Variants in NUDT18 observed in about 807,000 individuals in gnomAD.
NUDT18 encodes the protein nudix hydrolase 18, also known as 8-oxo-dGDP phosphatase NUDT18.
NUDT18 carries 26 observed loss-of-function variants against 27.6 expected under a neutral mutation model. The observed-to-expected ratio is 0.94, with a 90% CI of 0.69 to 1.31. The LOEUF (loss-of-function observed/expected upper bound fraction) is 1.31. NUDT18 is among the 50% of genes most tolerant of loss of function. The pLI, the probability that NUDT18 is intolerant of heterozygous loss-of-function variation, is 0.00. For synonymous variants in NUDT18, 220 were observed against 196.9 expected (o/e 1.12, Z -0.98); for missense variants, 450 against 433.4 (o/e 1.04, Z -0.34).
chr8:22,110,344 C>T (rs10101855), upstream of NUDT18, among the ~76,000 whole-genome samples: 741 of 152,370 alleles, frequency 4.9e-3, 4 homozygotes, highest in African/African-American at 0.017. Context: ...TCCTTCACCC[C>T]ACCTCAGCAC....
chr8:22,107,487 C>T lies in NUDT18; in HGVS notation c.785G>A (p.Arg262Gln), dbSNP rs982446678. 2.9e-5 allele frequency: 46 copies of T among 1,613,080 alleles called. No individual in the cohort carries two copies. The highest frequency in any genetic ancestry group is 3.5e-5 in the Non-Finnish European group (41 of 1,179,872). The change falls in exon 3 of 3, where the codon CGA becomes CAA. Residue 262 changes from arginine (R) to glutamine (Q), a missense_variant. Physicochemically the swap from Arg to Gln is conservative, Grantham distance 43. Transcript: ENST00000611621. ...KGLLGLQHLG[R>Q]DHSDGICLNV... ...CAAACAGATGCCATCACTGTGATCT[C>T]GGCCCAGGTGCTGCAGTCCAAGCAA...
In NUDT18 at chr8:22,109,394, G is replaced by A. The variant is rs1033301011; in HGVS notation, c.-94C>T. 128 of 1,212,140 alleles carry A rather than the reference G, an allele frequency of 1.1e-4. No individual in the cohort carries two copies. In the East Asian group the frequency reaches 2.4e-3, roughly 23 times the overall value. The allele number at this position is 1,212,140 out of a possible 1,614,324, so 75.1% of individuals were successfully genotyped here. A position where few individuals can be genotyped will look rare whatever the true frequency, so the allele number is the denominator to read the frequency against. The stretch of plus-strand genomic sequence containing the variant: ...GCTGCGGAGCCCGCTCCCAGTCCCT[G>A]CGGCAGCGGGCCGGGAGCTCACGAG... On this transcript the variant is annotated 5_prime_UTR_variant, in exon 1 of 3. Transcript: ENST00000611621.
chr8:22,108,050 G>A (rs1826397880), intron 2 of NUDT18, 83 bp downstream of exon 2: 3 of 1,392,620 alleles, frequency 2.2e-6, no homozygotes, highest in Non-Finnish European at 1.9e-6. Context: ...AACAGGACTG[G>A]CTGTAGAGGG....
intron 1 of NUDT18, among the ~76,000 whole-genome samples, chr8:22,108,670 T>C (rs1049501081): frequency 6.6e-6 from 1 of 152,234 alleles, no homozygotes; most frequent in Admixed American, 6.5e-5. Context: ...TACCTGCCAC[T>C]GTGTATCTCT....
upstream of NUDT18, chr8:22,109,666 A>G (rs775895377): frequency 2.1e-6 from 1 of 466,876 alleles, no homozygotes; most frequent in South Asian, 1.6e-5. Flanking sequence ...CAACTCCCCG[A>G]GCGCGCACTG....
At position 22,107,859 on chromosome 8, in the gene NUDT18, T is replaced by C; in HGVS notation, c.413A>G (p.Glu138Gly). ...ILKTSKEADA[E>G]SLQAAWYPRT... ...TGGGTACCAGGCAGCCTGCAGGGAC[T>C]CCGCATCGGCCTCCTTGGAAGTCTT... The change falls in exon 3 of 3, where the codon GAG becomes GGG. Residue 138 changes from glutamate (E) to glycine (G), a missense_variant. Physicochemically the swap from Glu to Gly is moderately conservative, Grantham distance 98 (BLOSUM62 -2). Transcript: ENST00000611621. The C allele has an allele frequency of 6.3e-7, 1 of 1,599,890 alleles. No individual in the cohort carries two copies. The highest frequency in any genetic ancestry group is 1.7e-4 in the Middle Eastern group (1 of 5,994).
chr8:22,108,089 G>A (rs1211985844), intron 2 of NUDT18, 44 bp downstream of exon 2: 5 of 1,446,372 alleles, frequency 3.5e-6, no homozygotes, highest in East Asian at 2.5e-5. Context: ...CTGGGGGAAA[G>A]GTGTCAACTG....
At chr8:22,109,087 T>C in intron 1 of NUDT18, 52 bp downstream of exon 1, 2 of 1,333,486 alleles carry the variant, frequency 1.5e-6, no homozygotes, top group Non-Finnish European at 1.9e-6. Context: ...TGTCCCCACC[T>C]GGGCTGGCTG....
At position 22,108,144 on chromosome 8, in the gene NUDT18, G is replaced by A; in HGVS notation, c.365C>T (p.Ala122Val). Residue 122 changes from alanine (A) to valine (V), a missense_variant, in exon 2 of 3, where the codon GCT (alanine) becomes GTT (valine). Transcript: ENST00000611621. ...GPSWVRFVFL[A>V]RPTGGILKTS... ...CAGGTGGGCCATACCTGTGGGGCGA[G>A]CGAGGAACACGAAGCGGACCCAGGA... 1 of 1,529,392 alleles carries A rather than the reference G, an allele frequency of 6.5e-7. No homozygotes were observed. Among genetic ancestry groups the A allele is most frequent in the South Asian group, 1.3e-5 (1 of 78,400 alleles). The allele number at this position is 1,529,392 out of a possible 1,614,324, so 94.7% of individuals were successfully genotyped here. A position where few individuals can be genotyped will look rare whatever the true frequency, so the allele number is the denominator to read the frequency against.
Position 22,109,334 on chromosome 8 carries a change from G to C in NUDT18, c.-34C>G. 7.8e-7 allele frequency: 1 copy of C among 1,277,532 alleles called. No individual in the cohort carries two copies. Among genetic ancestry groups the C allele is most frequent in the South Asian group, 2.0e-5 (1 of 50,126 alleles). The allele number at this position is 1,277,532 out of a possible 1,614,324, so 79.1% of individuals were successfully genotyped here. A position where few individuals can be genotyped will look rare whatever the true frequency, so the allele number is the denominator to read the frequency against. On this transcript the variant is annotated 5_prime_UTR_variant, in exon 1 of 3. Transcript: ENST00000611621. ...CCGGGGGGCGGCGGGCCGGATCCTCGCAGACCGACTGAGCCGAGCCGCGGG... is the reference window on the plus strand; with the variant it reads ...CCGGGGGGCGGCGGGCCGGATCCTCCCAGACCGACTGAGCCGAGCCGCGGG...
intron 1 of NUDT18, among the ~76,000 whole-genome samples, 186 bp downstream of exon 1, chr8:22,108,953 C>G (rs1048620800): frequency 6.6e-6 from 1 of 152,242 alleles, no homozygotes; most frequent in Non-Finnish European, 1.5e-5. Context: ...GGCCCCGGGC[C>G]TCAGTTTCCT....
At position 22,108,326 on chromosome 8, in the gene NUDT18, C is replaced by G. The variant is rs779805808; in HGVS notation, c.183G>C (p.Gln61His). 3.2e-6 allele frequency: 5 copies of G among 1,581,550 alleles called. No individual in the cohort carries two copies. The Admixed American group carries it at 7.3e-5, about 23-fold the overall frequency. The change falls in exon 2 of 3, where the codon CAG (glutamine) becomes CAC (histidine). Residue 61 changes from glutamine to histidine, a missense_variant. Gln to His is a conservative substitution (Grantham distance 24). Transcript: ENST00000611621. ...ACCCCCGGCACTCCCTCTTGGCCTC[C>G]TGGATCAGTAGCACCTCATCCTGAG... ...LSEQDEVLLI[Q>H]EAKRECRGSW... is the part of the protein sequence containing the mutation.
In NUDT18 at chr8:22,109,239, A is replaced by G; in HGVS notation, c.62T>C (p.Val21Ala). 1 of 1,426,604 alleles carries G rather than the reference A, an allele frequency of 7.0e-7. No individual in the cohort carries two copies. Among genetic ancestry groups the G allele is most frequent in the Non-Finnish European group, 9.1e-7 (1 of 1,098,836 alleles). The allele number at this position is 1,426,604 out of a possible 1,614,324, so 88.4% of individuals were successfully genotyped here. A position where few individuals can be genotyped will look rare whatever the true frequency, so the allele number is the denominator to read the frequency against. Residue 21 changes from valine to alanine, a missense_variant, in exon 1 of 3, where the codon GTG (valine) becomes GCG (alanine). Physicochemically the swap from Val to Ala is moderately conservative, Grantham distance 64. Coordinates refer to ENST00000611621, the MANE Select transcript of NUDT18 (RefSeq NM_024815.4). The part of the protein sequence containing the change: ...ASVLAGQGSS[V>A]HSCDSAPAGE... ...GGCCGGCGCCGAGTCGCAGCTGTGC[A>G]CGCTGGACCCCTGGCCAGCCAGCAC...
Position 22,109,353 on chromosome 8 carries a change from C to A in NUDT18, c.-53G>T. 1 of 731,036 alleles carries A rather than the reference C, an allele frequency of 1.4e-6. No individual in the cohort carries two copies. The highest frequency in any genetic ancestry group is 5.6e-4 in the Middle Eastern group (1 of 1,788). The allele number at this position is 731,036 out of a possible 1,614,324, so 45.3% of individuals were successfully genotyped here. On this transcript the variant is annotated 5_prime_UTR_variant, in exon 1 of 3. Coordinates refer to ENST00000611621, the MANE Select transcript of NUDT18 (RefSeq NM_024815.4). ...ATCCTCGCAGACCGACTGAGCCGAG[C>A]CGCGGGCTAGAGTGCGCTGCGGAGC...
chr8:22,107,456 C>G lies in NUDT18; in HGVS notation c.816G>C (p.Val272=). ...GGCTCCGAAAAGCCACGGTCACCAG[C>G]ACATTCAAACAGATGCCATCACTGT... ...RDHSDGICLN[V]LVTVAFRSPG... The change falls in exon 3 of 3, where the codon GTG becomes GTC. Residue 272 remains valine, a synonymous_variant. Transcript: ENST00000611621. 6.2e-7 allele frequency: 1 copy of G among 1,613,340 alleles called. No homozygotes were observed. Among genetic ancestry groups the G allele is most frequent in the Non-Finnish European group, 8.5e-7 (1 of 1,179,878 alleles).
Position 22,108,335 on chromosome 8 carries a change from T to TAGC in NUDT18, c.171_173dup (p.Leu59dup), listed in dbSNP as rs1563610307. ...ACTCCCTCTTGGCCTCCTGGATCAGTAGCACCTCATCCTGAGAGGAGAGAG... is the reference window on the plus strand; with the variant it reads ...ACTCCCTCTTGGCCTCCTGGATCAGTAGCAGCACCTCATCCTGAGAGGAGAGAG... On this transcript the variant is annotated inframe_insertion, in exon 2 of 3. Coordinates refer to ENST00000611621, the MANE Select transcript of NUDT18 (RefSeq NM_024815.4). The TAGC allele has an allele frequency of 6.3e-7, 1 of 1,575,984 alleles. No individual in the cohort carries two copies. Among genetic ancestry groups the TAGC allele is most frequent in the Non-Finnish European group, 8.6e-7 (1 of 1,162,608 alleles).
intron 1 of NUDT18, among the ~76,000 whole-genome samples, 189 bp downstream of exon 1, chr8:22,108,950 G>A (rs1345369122): frequency 6.6e-6 from 1 of 152,222 alleles, no homozygotes; most frequent in East Asian, 1.9e-4. Flanking sequence ...ACAGGCCCCG[G>A]GCCTCAGTTT....
Position 22,107,238 on chromosome 8 carries a change from G to A in NUDT18, c.*62C>T. 1 of 1,315,222 alleles carries A rather than the reference G, an allele frequency of 7.6e-7. No homozygotes were observed. Among genetic ancestry groups the A allele is most frequent in the East Asian group, 2.5e-5 (1 of 39,756 alleles). 81.5% of individuals were successfully genotyped at this position (1,315,222 alleles called of 1,614,324 possible). A position where few individuals can be genotyped will look rare whatever the true frequency, so the allele number is the denominator to read the frequency against. On this transcript the variant is annotated 3_prime_UTR_variant, in exon 3 of 3. Coordinates refer to ENST00000611621, the MANE Select transcript of NUDT18 (RefSeq NM_024815.4). Reference sequence around the variant, plus strand: ...CGCCAGCCTCTTGCCTCCCTCAGAGGGAGACAAGTCCGCACTGGAGGGAGC... The same window carrying A: ...CGCCAGCCTCTTGCCTCCCTCAGAGAGAGACAAGTCCGCACTGGAGGGAGC...
At chr8:22,108,020 T>C in intron 2 of NUDT18, 113 bp downstream of exon 2, 1 of 1,351,782 alleles carries the variant, frequency 7.4e-7, no homozygotes, top group East Asian at 2.5e-5. Context: ...AATCTGCCCA[T>C]GCCAGGCTGT....
Sources: allele counts gnomAD v4.1 joint callset (sites outside exome capture counted in the v4.1 genomes callset), GRCh38; gene constraint gnomAD v4.1.1; transcripts MANE v1.5; gene names NCBI Gene and HGNC (gene_info 2026-07-23, HGNC 2026-07-21).